The following TTC28 variants were observed in gnomAD, a reference collection of about 807,000 sequenced individuals.
The protein encoded by TTC28 is tetratricopeptide repeat protein 28.
In TTC28, 61 loss-of-function variants were observed where a neutral mutation model predicts 198.0. That is an observed-to-expected ratio of 0.31 (90% CI 0.25 to 0.38). The LOEUF (loss-of-function observed/expected upper bound fraction) is 0.38, where lower values mean the gene tolerates loss of function less well. TTC28 is among the 10% of genes least tolerant of loss of function. The pLI is 1.00. For missense variants in TTC28, 2,678 were observed against 3,164.0 expected, an observed-to-expected ratio of 0.85 and a Z score of 3.69; for synonymous variants, 1,171 against 1,297.8, an observed-to-expected ratio of 0.90 and a Z score of 2.10.
chr22:28,369,004 A>T lies in TTC28; in HGVS notation c.382-62361T>A, dbSNP rs571453368. Among the ~76,000 whole-genome samples, 6 of 152,162 alleles carry T rather than the reference A, an allele frequency of 3.9e-5. No individual in the cohort carries two copies. In the South Asian group the frequency reaches 1.2e-3, roughly 32 times the overall value. ...CGGATTCAATGTAATCCCTATCAAAATACCAATGGCATTCTTCACAGAAGT... is the reference window on the plus strand; with the variant it reads ...CGGATTCAATGTAATCCCTATCAAATTACCAATGGCATTCTTCACAGAAGT... On this transcript the variant is annotated intron_variant, in intron 2 of 22. Coordinates refer to ENST00000397906, the MANE Select transcript of TTC28 (RefSeq NM_001145418.2).
intron 5 of TTC28, among the ~76,000 whole-genome samples, chr22:28,163,981 C>A (rs972625839): frequency 5.3e-5 from 8 of 152,216 alleles, no homozygotes; most frequent in Non-Finnish European, 1.2e-4. Context: ...TAACAAACGG[C>A]ACACCAGGAG....
At chr22:28,271,505 C>T (rs1932070215) in intron 5 of TTC28, among the ~76,000 whole-genome samples, 1 of 152,120 alleles carries the variant, frequency 6.6e-6, no homozygotes, top group African/African-American at 2.4e-5. Context: ...TTGTAGTTCC[C>T]GTAATTCCCA....
At chr22:28,391,942 T>C (rs940049918) in intron 2 of TTC28, among the ~76,000 whole-genome samples, 4 of 152,246 alleles carry the variant, frequency 2.6e-5, no homozygotes, top group Non-Finnish European at 5.9e-5. Flanking sequence ...TTTCAGTTTT[T>C]CTGCTCTGTT....
intron 1 of TTC28, among the ~76,000 whole-genome samples, chr22:28,650,467 C>G (rs1448595045): frequency 2.6e-5 from 4 of 152,256 alleles, no homozygotes; most frequent in Non-Finnish European, 5.9e-5. Context: ...CTTTTCGAGT[C>G]TTTCACAATT....
intron 1 of TTC28, among the ~76,000 whole-genome samples, chr22:28,638,303 CT>C (rs2051308247): frequency 6.6e-6 from 1 of 151,864 alleles, no homozygotes; most frequent in Non-Finnish European, 1.5e-5. Context: ...AACTTATCCC[CT>C]CTATATAAAA....
At position 27,996,104 on chromosome 22, in the gene TTC28, T is replaced by C. The variant is rs951044822; in HGVS notation, c.5244+31A>G. 8 of 1,536,142 alleles carry C rather than the reference T, an allele frequency of 5.2e-6. No individual in the cohort carries two copies. In the Admixed American group the frequency reaches 7.9e-5, roughly 15 times the overall value. Reference sequence around the variant, plus strand: ...CCTTCTCTCACAGCACTGCCAGCTCTCGTTGAGTGCAGGGTGCCCGACCCC... The same window carrying C: ...CCTTCTCTCACAGCACTGCCAGCTCCCGTTGAGTGCAGGGTGCCCGACCCC... On this transcript the variant is annotated intron_variant, in intron 17 of 22. Transcript: ENST00000397906.
chr22:28,440,648 T>C (rs906649177), intron 2 of TTC28, among the ~76,000 whole-genome samples: 1 of 152,222 alleles, frequency 6.6e-6, no homozygotes, highest in African/African-American at 2.4e-5. Flanking sequence ...CAATGCAGTA[T>C]CACTTTTCAT....
intron 2 of TTC28, among the ~76,000 whole-genome samples, chr22:28,624,623 T>A (rs1457255868): frequency 2.6e-5 from 4 of 152,102 alleles, no homozygotes; most frequent in Non-Finnish European, 4.4e-5. Flanking sequence ...AAAGTACAGA[T>A]AAAGATAAAT....
intron 12 of TTC28, among the ~76,000 whole-genome samples, chr22:28,063,291 G>C (rs1378728892): frequency 6.6e-6 from 1 of 152,150 alleles, no homozygotes; most frequent in Non-Finnish European, 1.5e-5. Flanking sequence ...CAGAGGCTGT[G>C]GTTGTCCTGA....
chr22:28,492,825 C>G (rs1310676138), intron 2 of TTC28, among the ~76,000 whole-genome samples: 1 of 152,054 alleles, frequency 6.6e-6, no homozygotes, highest in Non-Finnish European at 1.5e-5. Context: ...AACAAAATTC[C>G]TCTAATGAAT....
At chr22:28,679,355 C>A (rs1300366559) in intron 1 of TTC28, among the ~76,000 whole-genome samples, 1 of 152,186 alleles carries the variant, frequency 6.6e-6, no homozygotes, top group African/African-American at 2.4e-5. Flanking sequence ...TGACTGTATA[C>A]CGACACCCCC....
chr22:28,562,160 GA>G (rs938415963), intron 2 of TTC28, among the ~76,000 whole-genome samples: 1 of 151,994 alleles, frequency 6.6e-6, no homozygotes, highest in South Asian at 2.1e-4. Flanking sequence ...AAGTAATGAG[GA>G]AAAAAATTGC....
intron 1 of TTC28, among the ~76,000 whole-genome samples, chr22:28,641,166 T>C (rs1035446162): frequency 6.6e-6 from 1 of 151,840 alleles, no homozygotes; most frequent in Non-Finnish European, 1.5e-5. Context: ...TCTACTAAAA[T>C]GCAAACAATT....
chr22:28,361,587 T>C (rs1283877356), intron 2 of TTC28, among the ~76,000 whole-genome samples: 3 of 152,198 alleles, frequency 2.0e-5, no homozygotes, highest in African/African-American at 7.2e-5. Flanking sequence ...AAACATTAAG[T>C]GCTGATGTAG....
At chr22:28,145,362 G>A (rs2064360) in intron 6 of TTC28, among the ~76,000 whole-genome samples, 7,107 of 152,202 alleles carry the variant, frequency 0.047, 230 homozygotes, top group East Asian at 0.14. Context: ...CTGCTTGAAT[G>A]TCTAACTCCT....
At chr22:28,148,289 T>C (rs1006543785) in intron 6 of TTC28, among the ~76,000 whole-genome samples, 1 of 152,206 alleles carries the variant, frequency 6.6e-6, no homozygotes, top group Non-Finnish European at 1.5e-5. Flanking sequence ...TCAAGTTCAT[T>C]ATATTTCTGG....
chr22:28,328,886 C>CT, intron 2 of TTC28, among the ~76,000 whole-genome samples: 1 of 151,378 alleles, frequency 6.6e-6, no homozygotes, highest in Non-Finnish European at 1.5e-5. Context: ...GTACAAAGGC[C>CT]TGAGACTGGG....
chr22:28,652,629 T>G (rs1322776412), intron 1 of TTC28, among the ~76,000 whole-genome samples: 1 of 152,214 alleles, frequency 6.6e-6, no homozygotes, highest in East Asian at 1.9e-4. Context: ...GTCTAGAAAT[T>G]TTTCAGACCA....
intron 1 of TTC28, among the ~76,000 whole-genome samples, chr22:28,634,355 C>G (rs763964309): frequency 6.6e-6 from 1 of 151,842 alleles, no homozygotes; most frequent in Admixed American, 6.6e-5. Context: ...ATTAAAAATA[C>G]TAAAATTAGC....
Sources: gnomAD v4.1 joint callset for allele counts (sites outside exome capture counted in the v4.1 genomes callset) on GRCh38, gnomAD v4.1.1 for gene constraint, MANE v1.5 for transcripts, NCBI Gene and HGNC (gene_info 2026-07-23, HGNC 2026-07-21) for gene names.